Variants in NFIA observed in about 807,000 individuals in gnomAD.
NFIA encodes the protein nuclear factor I A, also known as nuclear factor 1 A-type.
Under a neutral mutation model 62.8 loss-of-function variants are expected in NFIA, and 8 were observed. That is an observed-to-expected ratio of 0.13 (90% CI 0.07 to 0.23). The LOEUF is 0.23. Ranked by LOEUF, NFIA falls within the 10% of genes least tolerant of loss-of-function variation. The probability of loss-of-function intolerance (pLI) is 1.00; values close to 1 mark genes in which losing one functional copy is unlikely to be tolerated. For missense variants in NFIA, 410 were observed against 642.1 expected (o/e 0.64, Z 3.91); for synonymous variants, 235 against 238.1 (o/e 0.99, Z 0.12).
intron 7 of NFIA, among the ~76,000 whole-genome samples, chr1:61,385,567 A>G (rs1256629666): frequency 1.3e-5 from 2 of 152,200 alleles, no homozygotes; most frequent in East Asian, 1.9e-4. Context: ...CAATCTGTAT[A>G]TATTATCATT....
intron 4 of NFIA, among the ~76,000 whole-genome samples, chr1:61,341,864 TGAAAAACTAGAAGGGGTTTTTGTGAC>T (rs1209797312): frequency 6.6e-6 from 1 of 152,234 alleles, no homozygotes; most frequent in African/African-American, 2.4e-5. Context: ...GTAGTAACAC[TGAAAAACTAGAAGGGGTTTTTGTGAC>T]CTCCAAAGCT....
chr1:61,334,588 TATATATATATATATATATATATATG>T, intron 4 of NFIA, among the ~76,000 whole-genome samples: 1 of 117,664 alleles, frequency 8.5e-6, no homozygotes, highest in African/African-American at 3.4e-5. Context: ...TATATATATA[TATATATATATATATATATATATATG>T]TATCAGACCA....
intron 1 of NFIA, among the ~76,000 whole-genome samples, chr1:61,087,164 A>T (rs1361446527): frequency 3.3e-5 from 5 of 152,100 alleles, no homozygotes; most frequent in Admixed American, 3.3e-4. Flanking sequence ...AATATTTGAA[A>T]CTCAATTTTT....
intron 2 of NFIA, among the ~76,000 whole-genome samples, chr1:61,094,299 CAT>C (rs77841204): frequency 0.069 from 10,450 of 152,116 alleles, 892 homozygotes; most frequent in East Asian, 0.36. Context: ...TAAAGAGAAA[CAT>C]AAAACCCTGA....
intron 2 of NFIA, among the ~76,000 whole-genome samples, chr1:61,146,289 C>G (rs1185014597): frequency 1.3e-5 from 2 of 152,174 alleles, no homozygotes; most frequent in East Asian, 3.9e-4. Flanking sequence ...GCTGCAGAGT[C>G]CCTTTTGTTG....
chr1:61,382,164 T>C (rs565407158), intron 6 of NFIA, among the ~76,000 whole-genome samples: 1 of 152,304 alleles, frequency 6.6e-6, no homozygotes, highest in African/African-American at 2.4e-5. Context: ...GTCATTTCTT[T>C]TATTTTTATA....
rs2100402479 is a variant in NFIA at position 61,082,601 on chromosome 1, T to C, written c.-191T>C. 8 of 1,490,920 alleles carry C rather than the reference T, an allele frequency of 5.4e-6. No individual in the cohort carries two copies. The highest frequency in any genetic ancestry group is 1.4e-5 in the African/African-American group (1 of 71,062). 92.4% of individuals were successfully genotyped at this position (1,490,920 alleles called of 1,614,324 possible). On this transcript the variant is annotated 5_prime_UTR_variant, in exon 1 of 11. Transcript: ENST00000403491. Reference sequence around the variant, plus strand: ...CTCATGGAGCGGCAATAGCGCTGGCTGGCTGGCTGCAGTTGAGCCGACTTG... The same window carrying C: ...CTCATGGAGCGGCAATAGCGCTGGCCGGCTGGCTGCAGTTGAGCCGACTTG...
chr1:61,225,618 T>C (rs1654286586), intron 2 of NFIA, among the ~76,000 whole-genome samples: 1 of 151,672 alleles, frequency 6.6e-6, no homozygotes, highest in Non-Finnish European at 1.5e-5. Flanking sequence ...TTTTATTTTG[T>C]ATCACCAAAA....
chr1:61,221,240 CTAT>C (rs1264821632), intron 2 of NFIA, among the ~76,000 whole-genome samples: 24 of 152,030 alleles, frequency 1.6e-4, no homozygotes, highest in African/African-American at 4.6e-4. Flanking sequence ...AATAAGATTA[CTAT>C]TATTATTGAG....
chr1:61,171,567 AGAG>A (rs1221837896), intron 2 of NFIA, among the ~76,000 whole-genome samples: 8 of 152,228 alleles, frequency 5.3e-5, no homozygotes, highest in Non-Finnish European at 1.2e-4. Context: ...GGATTTGAGA[AGAG>A]GAGAAGTTTC....
intron 2 of NFIA, among the ~76,000 whole-genome samples, chr1:61,138,597 T>A (rs908701970): frequency 2.7e-5 from 4 of 150,520 alleles, no homozygotes; most frequent in Admixed American, 2.0e-4. Context: ...TTATTTATTA[T>A]TGAGACAAGA....
chr1:61,438,410 G>A (rs185380953), intron 10 of NFIA, among the ~76,000 whole-genome samples: 2 of 152,194 alleles, frequency 1.3e-5, no homozygotes, highest in East Asian at 3.9e-4. Context: ...TAGGACAAGG[G>A]GCCTGTGACC....
At chr1:61,305,593 A>G (rs1197547349) in intron 3 of NFIA, among the ~76,000 whole-genome samples, 1 of 152,212 alleles carries the variant, frequency 6.6e-6, no homozygotes, top group African/African-American at 2.4e-5. Context: ...TAGACATTTT[A>G]TAAGCCCCCA....
intron 10 of NFIA, among the ~76,000 whole-genome samples, chr1:61,453,923 A>G (rs1668187281): frequency 6.6e-6 from 1 of 152,228 alleles, no homozygotes; most frequent in Admixed American, 6.5e-5. Flanking sequence ...GTCAAAGAAT[A>G]ACATCTGAAA....
At chr1:61,131,752 A>T (rs1408109664) in intron 2 of NFIA, among the ~76,000 whole-genome samples, 1 of 152,196 alleles carries the variant, frequency 6.6e-6, no homozygotes, top group Non-Finnish European at 1.5e-5. Context: ...TTATGGCAAT[A>T]ATTTTTAAGT....
chr1:61,442,206 G>C (rs1014343089), intron 10 of NFIA, among the ~76,000 whole-genome samples: 2 of 152,088 alleles, frequency 1.3e-5, no homozygotes, highest in Non-Finnish European at 2.9e-5. Flanking sequence ...ACTCCTCCCG[G>C]TGCCAGATTC....
chr1:61,361,766 A>G (rs1663301389), intron 6 of NFIA, among the ~76,000 whole-genome samples: 2 of 149,112 alleles, frequency 1.3e-5, no homozygotes, highest in African/African-American at 5.0e-5. Flanking sequence ...TAATGGCTGA[A>G]TCCTTTTTGG....
intron 3 of NFIA, among the ~76,000 whole-genome samples, chr1:61,279,325 C>A (rs1657996283): frequency 1.3e-5 from 2 of 151,906 alleles, no homozygotes; most frequent in African/African-American, 4.8e-5. Context: ...TATGGACTGC[C>A]TGGCAATTCC....
intron 4 of NFIA, among the ~76,000 whole-genome samples, chr1:61,333,047 G>GCACGCACACA (rs1432117803): frequency 6.9e-6 from 1 of 144,688 alleles, no homozygotes; most frequent in Non-Finnish European, 1.5e-5. Context: ...TAGCATGCAC[G>GCACGCACACA]CACACACACA....
Sources: allele counts gnomAD v4.1 joint callset (sites outside exome capture counted in the v4.1 genomes callset), GRCh38; gene constraint gnomAD v4.1.1; transcripts MANE v1.5; gene names NCBI Gene and HGNC (gene_info 2026-07-23, HGNC 2026-07-21).